MAGI3: variants seen among roughly 807,000 people sequenced by gnomAD.
MAGI3 encodes the protein membrane associated guanylate kinase, WW and PDZ domain containing 3.
Under a neutral mutation model 121.8 loss-of-function variants are expected in MAGI3, and 43 were observed. The observed-to-expected ratio is 0.35, with a 90% CI of 0.28 to 0.46. The LOEUF (loss-of-function observed/expected upper bound fraction) is 0.46. MAGI3 is among the 20% of genes least tolerant of loss of function. The pLI is 1.00. For synonymous variants in MAGI3, 553 were observed against 639.3 expected, an observed-to-expected ratio of 0.86 and a Z score of 2.04; for missense variants, 1,547 against 1,797.3, an observed-to-expected ratio of 0.86 and a Z score of 2.52.
At chr1:113,504,625 T>A (rs1657218312) in intron 1 of MAGI3, among the ~76,000 whole-genome samples, 1 of 152,118 alleles carries the variant, frequency 6.6e-6, no homozygotes, top group Admixed American at 6.6e-5. Context: ...TAAGAGTTAT[T>A]TTATCTCTTT....
intron 1 of MAGI3, among the ~76,000 whole-genome samples, chr1:113,531,142 T>C (rs933834910): frequency 2.0e-5 from 3 of 152,162 alleles, no homozygotes; most frequent in African/African-American, 4.8e-5. Context: ...TTCTCCACTT[T>C]CTTTTTTTTT....
At chr1:113,681,085 T>C in intron 19 of MAGI3, 113 bp from the exon 20 acceptor site, 1 of 1,258,640 alleles carries the variant, frequency 7.9e-7, no homozygotes, top group Non-Finnish European at 1.1e-6. Context: ...ACGTTAGGTA[T>C]TTTACAAACG....
intron 2 of MAGI3, among the ~76,000 whole-genome samples, chr1:113,573,035 C>A (rs1048385943): frequency 5.3e-5 from 8 of 152,072 alleles, no homozygotes; most frequent in African/African-American, 1.7e-4. Context: ...ACACCATTCT[C>A]CTGCCTCAGC....
chr1:113,683,776 A>G lies in MAGI3; in HGVS notation c.4208A>G (p.Asn1403Ser), dbSNP rs748217127. ...TCTAGTAACGATAAAATAGGAGAAA[A>G]TGTCCAGCTATCAGAAAAGAGGCTG... The part of the protein sequence containing the change: ...TSSSNDKIGE[N>S]VQLSEKRLKQ... The change falls in exon 21 of 21, where the codon AAT becomes AGT. Residue 1403 changes from asparagine to serine, a missense_variant. Transcript: ENST00000307546. 1.9e-6 allele frequency: 3 copies of G among 1,605,456 alleles called. No individual in the cohort carries two copies. The East Asian group carries it at 6.7e-5, about 36-fold the overall frequency.
chr1:113,445,407 G>C (rs937005658), intron 1 of MAGI3, among the ~76,000 whole-genome samples: 1 of 152,012 alleles, frequency 6.6e-6, no homozygotes, highest in African/African-American at 2.4e-5. Context: ...TTCAAGGTCA[G>C]CCTGGGCAAC....
chr1:113,391,159 C>T lies in MAGI3; in HGVS notation c.126C>T (p.Phe42=). 6.4e-7 allele frequency: 1 copy of T among 1,558,514 alleles called. No homozygotes were observed. The highest frequency in any genetic ancestry group is 8.7e-7 in the Non-Finnish European group (1 of 1,151,876). ...EIRGGAERGE[F]PYLGRLREEP... ...GCGGTGGCGCGGAGCGTGGCGAGTT[C>T]CCCTACCTGGGGCGGCTCCGCGAGG... Residue 42 remains phenylalanine, a synonymous_variant, in exon 1 of 21, where the codon TTC becomes TTT. Coordinates refer to ENST00000307546, the MANE Select transcript of MAGI3 (RefSeq NM_001142782.2). The surrounding 1 kb of genome is among the most constrained non-coding windows in gnomAD (Gnocchi z 4.4).
chr1:113,407,044 AAGTG>A lies in MAGI3; in HGVS notation c.316+15698_316+15701del, dbSNP rs1224210187. 3.3e-5 allele frequency among the ~76,000 whole-genome samples: 5 copies of A among 152,150 alleles called. No individual in the cohort carries two copies. The East Asian group carries it at 9.6e-4, about 29-fold the overall frequency. ...CTGGCACCAACTAAATGAGGGGTGA[AAGTG>A]AGAGGGATCAGATTGAAGAAGTAGA... is the stretch of plus-strand genomic sequence containing the variant. On this transcript the variant is annotated intron_variant, in intron 1 of 20. Coordinates refer to ENST00000307546, the MANE Select transcript of MAGI3 (RefSeq NM_001142782.2).
intron 3 of MAGI3, 77 bp from the exon 4 acceptor site, chr1:113,585,310 G>A (rs1423143062): frequency 7.4e-7 from 1 of 1,348,694 alleles, no homozygotes; most frequent in Admixed American, 1.8e-5. Context: ...AAACAGGGCA[G>A]AGACATACAC....
At chr1:113,587,427 C>G (rs1648442365) in intron 4 of MAGI3, among the ~76,000 whole-genome samples, 1 of 152,168 alleles carries the variant, frequency 6.6e-6, no homozygotes, top group Admixed American at 6.5e-5. Flanking sequence ...AACTCCTGGC[C>G]TCTGGTGATC....
At chr1:113,414,625 T>C (rs1652200784) in intron 1 of MAGI3, among the ~76,000 whole-genome samples, 1 of 152,154 alleles carries the variant, frequency 6.6e-6, no homozygotes, top group Non-Finnish European at 1.5e-5. Context: ...TCCAGGAATT[T>C]ATCTATTTTT....
Position 113,684,468 on chromosome 1 carries a change from C to T in MAGI3, c.*454C>T, listed in dbSNP as rs961021917. 1 of 153,806 alleles carries T rather than the reference C, an allele frequency of 6.5e-6. No individual in the cohort carries two copies. The highest frequency in any genetic ancestry group is 1.4e-5 in the Non-Finnish European group (1 of 69,122). The allele number at this position is 153,806 out of a possible 1,614,324, so 9.5% of individuals were successfully genotyped here. A position where few individuals can be genotyped will look rare whatever the true frequency, so the allele number is the denominator to read the frequency against. ...ATCTCAATAGCATGTTGCATGTTTA[C>T]AGAGAGAAATATGTGAGTCCTTGCA... On this transcript the variant is annotated 3_prime_UTR_variant, in exon 21 of 21. Coordinates refer to ENST00000307546, the MANE Select transcript of MAGI3 (RefSeq NM_001142782.2).
intron 6 of MAGI3, among the ~76,000 whole-genome samples, chr1:113,607,111 T>A (rs1193912632): frequency 6.6e-6 from 1 of 152,180 alleles, no homozygotes; most frequent in Non-Finnish European, 1.5e-5. Context: ...TAATACATCT[T>A]TTATGCCAGT....
At chr1:113,597,836 G>C (rs1447107203) in intron 6 of MAGI3, among the ~76,000 whole-genome samples, 1 of 152,208 alleles carries the variant, frequency 6.6e-6, no homozygotes, top group Non-Finnish European at 1.5e-5. Flanking sequence ...TACCAGATCA[G>C]CCCTACAAGA....
chr1:113,540,857 G>C (rs1224982353), intron 1 of MAGI3, among the ~76,000 whole-genome samples: 1 of 152,122 alleles, frequency 6.6e-6, no homozygotes, highest in African/African-American at 2.4e-5. Flanking sequence ...AGCATGATGG[G>C]TTTTAGTTAT....
chr1:113,618,165 CA>C (rs55670134), intron 7 of MAGI3, among the ~76,000 whole-genome samples: 145,812 of 149,678 alleles, frequency 0.97, 71,104 homozygotes, highest in East Asian at 1. Flanking sequence ...CCCATCTCTA[CA>C]AAAAAAAAAA....
chr1:113,682,390 T>C, intron 20 of MAGI3: 1 of 1,454,842 alleles, frequency 6.9e-7, no homozygotes, highest in Non-Finnish European at 9.0e-7. Context: ...ATTTCTATCT[T>C]CTGCACTTTT....
chr1:113,504,336 T>C (rs1327584736), intron 1 of MAGI3, among the ~76,000 whole-genome samples: 2 of 152,100 alleles, frequency 1.3e-5, no homozygotes. Context: ...CAAATTTGTA[T>C]CTATAATATG....
chr1:113,516,206 G>T (rs932951295), intron 1 of MAGI3, among the ~76,000 whole-genome samples: 9 of 151,808 alleles, frequency 5.9e-5, no homozygotes, highest in Non-Finnish European at 1.0e-4. Flanking sequence ...AGCTGACAAG[G>T]TCTAGAAGCA....
chr1:113,423,817 A>G (rs542427985), intron 1 of MAGI3, among the ~76,000 whole-genome samples: 9 of 149,404 alleles, frequency 6.0e-5, no homozygotes, highest in African/African-American at 2.2e-4. Context: ...GTCTGCCAGG[A>G]GCCTCCCTTC....
Sources: allele counts gnomAD v4.1 joint callset (sites outside exome capture counted in the v4.1 genomes callset), GRCh38; gene constraint gnomAD v4.1.1; non-coding constraint Gnocchi (gnomAD v3.1); transcripts MANE v1.5; gene names NCBI Gene and HGNC (gene_info 2026-07-23, HGNC 2026-07-21).